RBM47: variants seen among roughly 807,000 people sequenced by gnomAD.
RBM47 encodes the protein RNA binding motif protein 47.
A neutral mutation model predicts 47.1 loss-of-function variants in RBM47; 21 were observed. The observed-to-expected ratio is 0.45, with a 90% CI of 0.32 to 0.64. The LOEUF (loss-of-function observed/expected upper bound fraction) is 0.64, where lower values mean the gene tolerates loss of function less well. RBM47 is among the 30% of genes least tolerant of loss of function. RBM47 has a pLI of 0.05. For missense variants in RBM47, 708 were observed against 870.9 expected, an observed-to-expected ratio of 0.81 and a Z score of 2.35; for synonymous variants, 375 against 361.7, an observed-to-expected ratio of 1.04 and a Z score of -0.42.
At chr4:40,593,970 TG>T (rs1323764880) in intron 1 of RBM47, among the ~76,000 whole-genome samples, 3 of 151,582 alleles carry the variant, frequency 2.0e-5, no homozygotes, top group Non-Finnish European at 2.9e-5. Context: ...GAGAATCGAT[TG>T]AACCCAGGAG....
chr4:40,527,436 A>ATTTTTTTTTTTTTTTTTTTT (rs60524903), intron 2 of RBM47, among the ~76,000 whole-genome samples: 11 of 104,716 alleles, frequency 1.1e-4, no homozygotes, highest in African/African-American at 1.6e-4. Context: ...ACACCTGGCA[A>ATTTTTTTTTTTTTTTTTTTT]TTTTTTTTTT....
chr4:40,541,722 GAGCAA>G (rs1303361131), intron 2 of RBM47, among the ~76,000 whole-genome samples: 2 of 151,418 alleles, frequency 1.3e-5, no homozygotes, highest in East Asian at 3.9e-4. Flanking sequence ...TGGGCAACAA[GAGCAA>G]AACTCTGTCT....
At chr4:40,497,416 G>A (rs528428407) in intron 2 of RBM47, among the ~76,000 whole-genome samples, 30 of 151,974 alleles carry the variant, frequency 2.0e-4, no homozygotes, top group Admixed American at 1.4e-3. Context: ...CCAGAAGTTC[G>A]AGACCAGCCT....
At chr4:40,471,384 G>C (rs997091113) in intron 2 of RBM47, among the ~76,000 whole-genome samples, 1 of 152,086 alleles carries the variant, frequency 6.6e-6, no homozygotes, top group African/African-American at 2.4e-5. Context: ...TCTCCTTACA[G>C]GCAAAGGGAC....
rs901899100 is a variant in RBM47, at chr4:40,437,620, G to A, written c.1123+151C>T. On this transcript the variant is annotated intron_variant, in intron 4 of 6. Transcript: ENST00000295971. ...AGTGACGGCCTTCGGTGCCAGGAAA[G>A]AATTAGACCCAGAATGCAAACCCAA... 7 of 718,740 alleles carry A rather than the reference G, an allele frequency of 9.7e-6. No individual in the cohort carries two copies. In the African/African-American group the frequency reaches 1.2e-4, roughly 13 times the overall value. 44.5% of individuals were successfully genotyped at this position (718,740 alleles called of 1,614,324 possible).
At chr4:40,565,433 G>A (rs1183390950) in intron 1 of RBM47, among the ~76,000 whole-genome samples, 1 of 152,100 alleles carries the variant, frequency 6.6e-6, no homozygotes, top group African/African-American at 2.4e-5. Flanking sequence ...CCTGGGGAAG[G>A]GGCAAGGGAG....
At position 40,438,052 on chromosome 4, in the gene RBM47, C is replaced by T; in HGVS notation, c.842G>A (p.Arg281His). 1 of 1,613,806 alleles carries T rather than the reference C, an allele frequency of 6.2e-7. No homozygotes were observed. Among genetic ancestry groups the T allele is most frequent in the Non-Finnish European group, 8.5e-7 (1 of 1,180,038 alleles). The part of the protein sequence containing the change: ...PGCVERVKKI[R>H]DYAFVHFTSR... ...GGTGAAGTGCACGAAGGCGTAGTCG[C>T]GGATCTTCTTGACGCGCTCCACGCA... Residue 281 changes from arginine (R) to histidine (H), a missense_variant, in exon 4 of 7, where the codon CGC becomes CAC. Transcript: ENST00000295971.
intron 3 of RBM47, among the ~76,000 whole-genome samples, chr4:40,453,175 T>C (rs1344818378): frequency 6.6e-6 from 1 of 152,042 alleles, no homozygotes; most frequent in Non-Finnish European, 1.5e-5. Context: ...TAGCGATAAA[T>C]ACTTAAAGAT....
chr4:40,615,239 G>A (rs1374972925), intron 1 of RBM47, among the ~76,000 whole-genome samples: 1 of 152,144 alleles, frequency 6.6e-6, no homozygotes, highest in Non-Finnish European at 1.5e-5. Flanking sequence ...AAGAGTTCAA[G>A]ACCTGCCTGG....
chr4:40,599,739 G>GGAA (rs757262958), intron 1 of RBM47, among the ~76,000 whole-genome samples: 3 of 138,694 alleles, frequency 2.2e-5, no homozygotes, highest in African/African-American at 5.2e-5. Flanking sequence ...AAATGAATTA[G>GGAA]AAAAAAAAAA....
chr4:40,475,679 A>G (rs1719498666), intron 2 of RBM47: 1 of 152,212 alleles, frequency 6.6e-6, no homozygotes, highest in Admixed American at 6.5e-5. Context: ...TAAAACAAAT[A>G]AGGTTTCCCC....
intron 1 of RBM47, among the ~76,000 whole-genome samples, chr4:40,557,704 G>A (rs1240584408): frequency 2.0e-5 from 3 of 151,922 alleles, no homozygotes; most frequent in South Asian, 2.1e-4. Flanking sequence ...AGCCAAGGTC[G>A]CACCATTGCA....
chr4:40,586,379 C>T (rs1015756192), intron 1 of RBM47, among the ~76,000 whole-genome samples: 4 of 151,842 alleles, frequency 2.6e-5, no homozygotes, highest in African/African-American at 7.3e-5. Flanking sequence ...CCTTTGACCA[C>T]CAGGAGACAG....
intron 2 of RBM47, among the ~76,000 whole-genome samples, chr4:40,512,137 A>ATTG (rs1047947240): frequency 1.3e-5 from 2 of 151,984 alleles, no homozygotes; most frequent in African/African-American, 4.8e-5. Flanking sequence ...AAAGTGTGGT[A>ATTG]TTGCCAGGCG....
rs762999861 is a variant in RBM47, at chr4:40,432,632, C to A, written c.1542+19G>T. On this transcript the variant is annotated intron_variant, in intron 6 of 6. Transcript: ENST00000295971. ...GAGGCTTCACACACAAATGACAATGCCTGCAATAAGAACTCTACCTGGAAA... is the reference window on the plus strand; with the variant it reads ...GAGGCTTCACACACAAATGACAATGACTGCAATAAGAACTCTACCTGGAAA... 1.9e-6 allele frequency: 3 copies of A among 1,609,976 alleles called. No individual in the cohort carries two copies. Among genetic ancestry groups the A allele is most frequent in the African/African-American group, 2.7e-5 (2 of 74,650 alleles).
At chr4:40,602,262 G>C (rs1220162931) in intron 1 of RBM47, among the ~76,000 whole-genome samples, 5 of 152,126 alleles carry the variant, frequency 3.3e-5, no homozygotes, top group Admixed American at 6.5e-5. Context: ...GAACCTCATA[G>C]AGATGTTCTA....
intron 1 of RBM47, among the ~76,000 whole-genome samples, chr4:40,607,454 C>T (rs1307457387): frequency 6.6e-6 from 1 of 152,086 alleles, no homozygotes; most frequent in Admixed American, 6.6e-5. Context: ...TGCCTGTAAT[C>T]CCAGCACTTT....
At chr4:40,463,883 C>T (rs777607872) in intron 3 of RBM47, among the ~76,000 whole-genome samples, 23 of 151,934 alleles carry the variant, frequency 1.5e-4, no homozygotes, top group Non-Finnish European at 2.4e-4. Flanking sequence ...CCCTGTGAAA[C>T]GCACATTGCC....
chr4:40,553,095 G>A lies in RBM47; in HGVS notation c.-239-8589C>T, dbSNP rs532724005. 6.1e-5 allele frequency among the ~76,000 whole-genome samples: 9 copies of A among 147,698 alleles called. No homozygotes were observed. In the East Asian group the frequency reaches 1.8e-3, roughly 29 times the overall value. On this transcript the variant is annotated intron_variant, in intron 1 of 6. Transcript: ENST00000295971. The stretch of plus-strand genomic sequence containing the variant: ...TGATTCTCCTGCCTCAGCCTCCCGA[G>A]TAGCCGGGACTACAGGCACGCGCCA...
Sources: allele counts gnomAD v4.1 joint callset (sites outside exome capture counted in the v4.1 genomes callset), GRCh38; gene constraint gnomAD v4.1.1; transcripts MANE v1.5; gene names NCBI Gene and HGNC (gene_info 2026-07-23, HGNC 2026-07-21).